The following TRPM8 variants were observed in gnomAD, a reference collection of about 807,000 sequenced individuals.
TRPM8 encodes transient receptor potential cation channel subfamily M member 8.
Under a neutral mutation model 133.7 loss-of-function variants are expected in TRPM8, and 110 were observed. The observed-to-expected ratio is 0.82, with a 90% CI of 0.70 to 0.96. The LOEUF is 0.96. Ranked by LOEUF, TRPM8 falls within the 40% of genes least tolerant of loss-of-function variation. TRPM8 has a pLI of 0.00. For synonymous variants in TRPM8, 535 were observed against 532.3 expected, an observed-to-expected ratio of 1.01 and a Z score of -0.07; for missense variants, 1,291 against 1,379.5, an observed-to-expected ratio of 0.94 and a Z score of 1.02.
At chr2:234,014,099 G>C (rs1401298074) in intron 24 of TRPM8, among the ~76,000 whole-genome samples, 1 of 152,084 alleles carries the variant, frequency 6.6e-6, no homozygotes, top group Non-Finnish European at 1.5e-5. Context: ...ATTGTCTGCT[G>C]TTTTTGTGTG....
rs529381924 is a variant in TRPM8 at position 233,998,745 on chromosome 2, A to G, written c.3130+2229A>G. ...CCAGTTAGAGTGCCAGCTTGTGCCC[A>G]TCCAGTTAGGGTGCCAGCTTGTGCC... On this transcript the variant is annotated intron_variant, in intron 22 of 25. Transcript: ENST00000324695. Among the ~76,000 whole-genome samples, 11 of 152,116 alleles carry G rather than the reference A, an allele frequency of 7.2e-5. No homozygotes were observed. The South Asian group carries it at 2.3e-3, about 32-fold the overall frequency.
intron 8 of TRPM8, chr2:233,947,683 T>C (rs928300521): frequency 3.3e-5 from 36 of 1,105,774 alleles, no homozygotes; most frequent in Non-Finnish European, 4.3e-5. Context: ...GAGCAAGAAT[T>C]TGACTTCCCA....
At chr2:233,927,715 TTTCTTTCTTTC>T (rs1691549583) in intron 2 of TRPM8, among the ~76,000 whole-genome samples, 1 of 14,898 alleles carries the variant, frequency 6.7e-5, no homozygotes, top group Non-Finnish European at 1.1e-4. Flanking sequence ...TGTCTCTTTC[TTTCTTTCTTTC>T]TTTCTTTCTT....
intron 6 of TRPM8, among the ~76,000 whole-genome samples, chr2:233,944,592 T>G (rs891552054): frequency 1.3e-5 from 2 of 152,164 alleles, no homozygotes; most frequent in Non-Finnish European, 2.9e-5. Context: ...AACCATCTGC[T>G]AAACAAATGT....
intron 22 of TRPM8, among the ~76,000 whole-genome samples, chr2:233,999,492 G>T (rs570701622): frequency 6.6e-6 from 1 of 152,194 alleles, no homozygotes; most frequent in African/African-American, 2.4e-5. Flanking sequence ...CAGCCTGCCC[G>T]GTGGGTGGAA....
At chr2:233,978,173 G>A (rs35875128) in intron 17 of TRPM8, among the ~76,000 whole-genome samples, 14,348 of 149,252 alleles carry the variant, frequency 0.096, 748 homozygotes, top group African/African-American at 0.12. Context: ...GTGAACACAC[G>A]TATTTCACAG....
chr2:233,975,550 T>C (rs1411542289), intron 17 of TRPM8, among the ~76,000 whole-genome samples: 1 of 152,234 alleles, frequency 6.6e-6, no homozygotes, highest in Non-Finnish European at 1.5e-5. Flanking sequence ...GAAGCTGCTG[T>C]GCAAGTCCAG....
chr2:233,996,419 C>G lies in TRPM8; in HGVS notation c.3033C>G (p.Ile1011Met). 1 of 1,614,164 alleles carries G rather than the reference C, an allele frequency of 6.2e-7. No homozygotes were observed. Among genetic ancestry groups the G allele is most frequent in the Non-Finnish European group, 8.5e-7 (1 of 1,180,012 alleles). ...LVQEYCSRLN[I>M]PFPFIVFAYF... Reference sequence around the variant, plus strand: ...AGGAGTACTGCAGCCGCCTCAATATCCCCTTCCCCTTCATCGTCTTCGCTT... The same window carrying G: ...AGGAGTACTGCAGCCGCCTCAATATGCCCTTCCCCTTCATCGTCTTCGCTT... Residue 1011 changes from isoleucine (I) to methionine (M), a missense_variant, in exon 22 of 26, where the codon ATC becomes ATG. By Grantham distance (10) the Ile-to-Met change is conservative. Transcript: ENST00000324695.
intron 24 of TRPM8, among the ~76,000 whole-genome samples, chr2:234,012,292 C>A (rs372196833): frequency 6.6e-6 from 1 of 151,928 alleles, no homozygotes; most frequent in African/African-American, 2.4e-5. Flanking sequence ...GGATTACAGG[C>A]GTGCACCACC....
intron 20 of TRPM8, 120 bp from the exon 21 acceptor site, chr2:233,985,568 C>T: frequency 1.1e-6 from 1 of 905,040 alleles, no homozygotes; most frequent in Non-Finnish European, 1.7e-6. Context: ...GGACAAAGTG[C>T]CTTAGACGAA....
rs201115161 is a variant in TRPM8 at position 233,963,301 on chromosome 2, G to T, written c.1673G>T (p.Arg558Leu). ...CCCCAGGACGTGTCTCCTATTACTC[G>T]GCACCCCCTGCAAGCTCTCTTCATC... ...IELHDVSPIT[R>L]HPLQALFIWA... The change falls in exon 13 of 26, where the codon CGG (arginine) becomes CTG (leucine). Residue 558 changes from arginine (R) to leucine (L), a missense_variant. Physicochemically the swap from Arg to Leu is moderately radical, Grantham distance 102. This residue lies in a region of TRPM8 where 963 missense variants were observed against 968.9 expected (regional missense o/e 0.99). Coordinates refer to ENST00000324695, the MANE Select transcript of TRPM8 (RefSeq NM_024080.5). 5.0e-6 allele frequency: 8 copies of T among 1,612,596 alleles called. No homozygotes were observed. In the African/African-American group the frequency reaches 9.4e-5, roughly 19 times the overall value.
At chr2:233,956,283 A>G (rs561077564) in intron 11 of TRPM8, among the ~76,000 whole-genome samples, 1 of 152,310 alleles carries the variant, frequency 6.6e-6, no homozygotes, top group South Asian at 2.1e-4. Flanking sequence ...TCCCCTAGCC[A>G]CATGAGTACC....
At chr2:233,997,672 C>A (rs771899930) in intron 22 of TRPM8, among the ~76,000 whole-genome samples, 1 of 152,130 alleles carries the variant, frequency 6.6e-6, no homozygotes, top group South Asian at 2.1e-4. Context: ...GTGGCTCCCC[C>A]CTACCCCAGC....
rs144448753 is a variant in TRPM8 at position 233,996,353 on chromosome 2, C to A, written c.2967C>A (p.Asn989Lys). The A allele has an allele frequency of 1.9e-6, 3 of 1,614,150 alleles. No homozygotes were observed. Among genetic ancestry groups the A allele is most frequent in the Admixed American group, 3.3e-5 (2 of 60,016 alleles). ...FGYTVGTVQE[N>K]NDQVWKFQRY... is the part of the protein sequence containing the mutation. ...ACACGGTGGGCACCGTCCAGGAGAA[C>A]AATGACCAGGTCTGGAAGTTCCAGA... is the stretch of plus-strand genomic sequence containing the variant. Residue 989 changes from asparagine to lysine, a missense_variant, in exon 22 of 26, where the codon AAC becomes AAA. By Grantham distance (94) the Asn-to-Lys change is moderately conservative (BLOSUM62 0). Around this residue, in one of 2 missense-constraint regions of TRPM8, gnomAD observed 328 missense variants for 410.6 expected, o/e 0.80. Transcript: ENST00000324695.
At chr2:234,016,968 TA>T (rs2125424703) in intron 25 of TRPM8, among the ~76,000 whole-genome samples, 1 of 152,324 alleles carries the variant, frequency 6.6e-6, no homozygotes, top group South Asian at 2.1e-4. Flanking sequence ...ATTCAGTTTT[TA>T]AAAATTTATG....
rs949220415 is a variant in TRPM8 at position 233,962,071 on chromosome 2, G to A, written c.1653+1005G>A. ...TAAAACAGCTGCCTGCTGCCCATGC[G>A]TGTGAAGGACTGAAGAATGGACACG... On this transcript the variant is annotated intron_variant, in intron 12 of 25. Transcript: ENST00000324695. Among the ~76,000 whole-genome samples the A allele has an allele frequency of 3.9e-5, 6 of 152,338 alleles. No homozygotes were observed. In the East Asian group the frequency reaches 7.7e-4, roughly 20 times the overall value.
intron 1 of TRPM8, among the ~76,000 whole-genome samples, chr2:233,920,299 TG>T (rs1226964081): frequency 2.6e-5 from 4 of 152,240 alleles, no homozygotes; most frequent in African/African-American, 9.6e-5. Context: ...TAATTTTTAC[TG>T]AGGTTATCTC....
At chr2:234,009,546 C>T (rs1692780237) in intron 24 of TRPM8, among the ~76,000 whole-genome samples, 1 of 152,136 alleles carries the variant, frequency 6.6e-6, no homozygotes, top group African/African-American at 2.4e-5. Context: ...GACCAGCTGA[C>T]CTGACTCCTA....
chr2:233,991,041 T>G (rs919113360), intron 21 of TRPM8, among the ~76,000 whole-genome samples: 4 of 152,034 alleles, frequency 2.6e-5, no homozygotes, highest in Non-Finnish European at 5.9e-5. Context: ...GTGGAGGTGA[T>G]GTTTGCTTGA....
Sources: allele counts gnomAD v4.1 joint callset (sites outside exome capture counted in the v4.1 genomes callset), GRCh38; gene constraint gnomAD v4.1.1; regional missense constraint gnomAD v4.1.1; transcripts MANE v1.5; gene names NCBI Gene and HGNC (gene_info 2026-07-23, HGNC 2026-07-21).